The following VWA8 variants were observed in gnomAD, a reference collection of about 807,000 sequenced individuals.
VWA8 encodes the protein von Willebrand factor A domain-containing protein 8.
VWA8 carries 221 observed loss-of-function variants against 241.5 expected under a neutral mutation model. The observed-to-expected ratio is 0.91, with a 90% CI of 0.82 to 1.02. The LOEUF (loss-of-function observed/expected upper bound fraction) is 1.02. VWA8 is among the 50% of genes least tolerant of loss of function. VWA8 has a pLI of 0.00. For synonymous variants in VWA8, 852 were observed against 827.1 expected (o/e 1.03, Z -0.52); for missense variants, 2,322 against 2,328.7 (o/e 1.00, Z 0.06).
At chr13:41,659,988 T>C (rs2044937861) in intron 37 of VWA8, among the ~76,000 whole-genome samples, 1 of 152,264 alleles carries the variant, frequency 6.6e-6, no homozygotes, top group Non-Finnish European at 1.5e-5. Flanking sequence ...TCTGTTTTCA[T>C]GTTCTTTTGC....
intron 14 of VWA8, 140 bp from the exon 15 acceptor site, chr13:41,819,526 A>G (rs779463097): frequency 2.1e-6 from 2 of 961,736 alleles, no homozygotes; most frequent in Non-Finnish European, 2.9e-6. Context: ...TTAGCTTTGA[A>G]AAAAACAAAG....
intron 37 of VWA8, among the ~76,000 whole-genome samples, chr13:41,627,430 C>T (rs1188226354): frequency 2.0e-5 from 3 of 152,098 alleles, no homozygotes; most frequent in African/African-American, 4.8e-5. Flanking sequence ...GGTGAACCAG[C>T]CAGGAGGAAG....
intron 12 of VWA8, among the ~76,000 whole-genome samples, chr13:41,863,455 T>TTCACACA (rs1566485517): frequency 3.4e-4 from 30 of 87,176 alleles, no homozygotes; most frequent in African/African-American, 1.1e-3. Flanking sequence ...ATATATATAT[T>TTCACACA]CACACACACA....
intron 34 of VWA8, among the ~76,000 whole-genome samples, chr13:41,686,690 A>G (rs1001445080): frequency 3.9e-5 from 6 of 151,918 alleles, no homozygotes; most frequent in Admixed American, 1.3e-4. Context: ...ATTATCCTTA[A>G]TGTATTTTGT....
At chr13:41,703,253 C>A in intron 27 of VWA8, 50 bp downstream of exon 27, 1 of 1,490,416 alleles carries the variant, frequency 6.7e-7, no homozygotes. Flanking sequence ...GAAGATACAG[C>A]AAAATTTATA....
At chr13:41,922,274 A>C (rs957124121) in intron 2 of VWA8, among the ~76,000 whole-genome samples, 3 of 152,236 alleles carry the variant, frequency 2.0e-5, no homozygotes, top group Admixed American at 2.0e-4. Context: ...ACCCTATACA[A>C]AAATTAATTC....
chr13:41,824,773 G>T (rs1871109561), intron 14 of VWA8, among the ~76,000 whole-genome samples: 1 of 150,602 alleles, frequency 6.6e-6, no homozygotes, highest in Non-Finnish European at 1.5e-5. Context: ...AACTATGATA[G>T]CACTACTGCA....
chr13:41,798,092 T>G (rs1869784725), intron 17 of VWA8, among the ~76,000 whole-genome samples: 1 of 152,196 alleles, frequency 6.6e-6, no homozygotes, highest in Non-Finnish European at 1.5e-5. Flanking sequence ...AAGTCTAAAA[T>G]TATTCAATAC....
At chr13:41,855,810 C>A (rs561847562) in intron 12 of VWA8, among the ~76,000 whole-genome samples, 1 of 152,080 alleles carries the variant, frequency 6.6e-6, no homozygotes, top group Non-Finnish European at 1.5e-5. Flanking sequence ...CCTCAGTAAA[C>A]GTGACTTTAA....
At chr13:41,780,339 C>T (rs1314412110) in intron 19 of VWA8, among the ~76,000 whole-genome samples, 1 of 152,176 alleles carries the variant, frequency 6.6e-6, no homozygotes, top group Non-Finnish European at 1.5e-5. Context: ...GTGATCAAAC[C>T]ACTTTGTTAT....
chr13:41,945,549 G>A (rs1161838213), intron 2 of VWA8, among the ~76,000 whole-genome samples: 2 of 152,042 alleles, frequency 1.3e-5, no homozygotes, highest in African/African-American at 2.4e-5. Context: ...TGACAACAAC[G>A]TCTCATGAAA....
intron 37 of VWA8, among the ~76,000 whole-genome samples, chr13:41,639,738 A>C (rs1292976821): frequency 6.6e-6 from 1 of 152,224 alleles, no homozygotes; most frequent in African/African-American, 2.4e-5. Context: ...GACACAAAGA[A>C]GGGAACGATA....
At chr13:41,726,910 G>A (rs1314686595) in intron 24 of VWA8, among the ~76,000 whole-genome samples, 5 of 152,184 alleles carry the variant, frequency 3.3e-5, no homozygotes, top group South Asian at 4.2e-4. Context: ...CAGAAGAATC[G>A]CTTGAACCCG....
At chr13:41,673,210 C>A (rs2045037392) in intron 36 of VWA8, among the ~76,000 whole-genome samples, 1 of 152,148 alleles carries the variant, frequency 6.6e-6, no homozygotes, top group African/African-American at 2.4e-5. Flanking sequence ...TTTACAAATG[C>A]AGATAATATA....
At chr13:41,791,692 T>G (rs1555336105) in intron 17 of VWA8, among the ~76,000 whole-genome samples, 2 of 151,912 alleles carry the variant, frequency 1.3e-5, no homozygotes, top group Non-Finnish European at 3.0e-5. Flanking sequence ...TATTAAGGTG[T>G]TATGATAGAT....
At chr13:41,878,673 AAC>A (rs972029381) in intron 9 of VWA8, among the ~76,000 whole-genome samples, 2 of 152,082 alleles carry the variant, frequency 1.3e-5, no homozygotes, top group Admixed American at 6.6e-5. Context: ...TCCTTTTTAA[AAC>A]ACTCTACATT....
chr13:41,574,850 A>AAAGT (rs1201772673), intron 43 of VWA8, among the ~76,000 whole-genome samples: 1 of 152,200 alleles, frequency 6.6e-6, no homozygotes, highest in Non-Finnish European at 1.5e-5. Flanking sequence ...AACAGTATGG[A>AAAGT]AAGTCCTTAA....
intron 8 of VWA8, 30 bp downstream of exon 8, chr13:41,885,890 G>C (rs1874505378): frequency 6.8e-7 from 1 of 1,474,596 alleles, no homozygotes; most frequent in African/African-American, 1.4e-5. Context: ...ACATATTTGG[G>C]TATGCCAGTC....
Position 41,689,377 on chromosome 13 carries a change from C to T in VWA8, c.4108G>A (p.Val1370Ile), listed in dbSNP as rs748060899. Residue 1370 changes from valine (V) to isoleucine (I), a missense_variant, in exon 34 of 45, where the codon GTT (valine) becomes ATT (isoleucine). Physicochemically the swap from Val to Ile is conservative, Grantham distance 29. Coordinates refer to ENST00000379310, the MANE Select transcript of VWA8 (RefSeq NM_015058.2). ...ACCATGAGATCTGGAAAACCAACAA[C>T]TATTGTAGCATAATTTTTCTCATCT... ...LSDEKNYATIVVGFPDLMSPS... is the reference protein window; with the variant it reads ...LSDEKNYATIIVGFPDLMSPS... 4.3e-6 allele frequency: 7 copies of T among 1,610,520 alleles called. No individual in the cohort carries two copies. The South Asian group carries it at 7.7e-5, about 18-fold the overall frequency.
Sources: allele counts gnomAD v4.1 joint callset (sites outside exome capture counted in the v4.1 genomes callset), GRCh38; gene constraint gnomAD v4.1.1; transcripts MANE v1.5; gene names NCBI Gene and HGNC (gene_info 2026-07-23, HGNC 2026-07-21).